Variants in DIAPH2 observed in about 807,000 individuals in gnomAD.
DIAPH2 encodes the protein protein diaphanous homolog 2.
DIAPH2 carries 35 observed loss-of-function variants against 92.7 expected under a neutral mutation model. That is an observed-to-expected ratio of 0.38 (90% CI 0.29 to 0.50). DIAPH2 has a LOEUF of 0.50. DIAPH2 is among the 20% of genes least tolerant of loss of function. DIAPH2 has a pLI of 0.94. For synonymous variants in DIAPH2, 301 were observed against 280.4 expected (o/e 1.07, Z -0.73); for missense variants, 701 against 819.5 (o/e 0.86, Z 1.77).
intron 26 of DIAPH2, among the ~76,000 whole-genome samples, chrX:97,520,341 CAAT>C (rs974418582): frequency 5.4e-5 from 6 of 111,613 alleles, no homozygotes; most frequent in Non-Finnish European, 1.1e-4. Flanking sequence ...TGTGTAGTCT[CAAT>C]GATGGCTGAA....
chrX:96,704,545 T>C (rs752499646), intron 1 of DIAPH2, among the ~76,000 whole-genome samples: 69 of 111,925 alleles, frequency 6.2e-4, no homozygotes, highest in Admixed American at 1.0e-3. Flanking sequence ...TTCTGAAGCA[T>C]CTCTCTTACT....
chrX:97,552,152 G>A (rs762705887), intron 26 of DIAPH2, among the ~76,000 whole-genome samples: 4 of 111,608 alleles, frequency 3.6e-5, no homozygotes, highest in Non-Finnish European at 5.6e-5. Flanking sequence ...TAAACTCAAT[G>A]ATTTTGAGTA....
Position 97,490,918 on chromosome X carries a change from C to T in DIAPH2, c.3241+61173C>T, listed in dbSNP as rs190838549. On this transcript the variant is annotated intron_variant, in intron 26 of 26. Transcript: ENST00000324765. Reference sequence around the variant, plus strand: ...ATGTCTTCTGTATGTCTTTTAGTTCCTCTTGCTCTTAGTGTTGTTCAAGTC... The same window carrying T: ...ATGTCTTCTGTATGTCTTTTAGTTCTTCTTGCTCTTAGTGTTGTTCAAGTC... 3.6e-5 allele frequency among the ~76,000 whole-genome samples: 4 copies of T among 110,477 alleles called. No homozygotes were observed. The East Asian group carries it at 1.1e-3, about 31-fold the overall frequency.
At chrX:97,005,029 T>C (rs2066170527) in intron 17 of DIAPH2, among the ~76,000 whole-genome samples, 1 of 112,000 alleles carries the variant, frequency 8.9e-6, no homozygotes, top group Non-Finnish European at 1.9e-5. Flanking sequence ...TTGAATTTTA[T>C]CAAATGCCTA....
chrX:96,749,145 A>AAAATATATATATATATAT (rs1252042191), intron 3 of DIAPH2, among the ~76,000 whole-genome samples: 1 of 79,825 alleles, frequency 1.3e-5, no homozygotes, highest in African/African-American at 5.1e-5. Flanking sequence ...AAAAAAAAAA[A>AAAATATATATATATATAT]ATATATATAT....
chrX:97,021,249 G>T (rs754727424), intron 17 of DIAPH2, among the ~76,000 whole-genome samples: 18 of 111,424 alleles, frequency 1.6e-4, no homozygotes, highest in Non-Finnish European at 3.0e-4. Context: ...CCAGGCTGGG[G>T]TGCAGTGGCA....
chrX:97,067,671 C>T (rs2066642862), intron 17 of DIAPH2, among the ~76,000 whole-genome samples: 1 of 111,348 alleles, frequency 9.0e-6, no homozygotes, highest in Non-Finnish European at 1.9e-5. Context: ...GATTAGTCTC[C>T]GTTTTATTTT....
intron 19 of DIAPH2, among the ~76,000 whole-genome samples, chrX:97,094,318 G>C (rs1251810856): frequency 8.9e-6 from 1 of 111,751 alleles, no homozygotes; most frequent in African/African-American, 3.3e-5. Context: ...TTAAATGTCA[G>C]AGTTTCAAAT....
chrX:96,797,699 T>C (rs746379273), intron 4 of DIAPH2, among the ~76,000 whole-genome samples: 21 of 111,641 alleles, frequency 1.9e-4, no homozygotes, highest in Non-Finnish European at 3.6e-4. Flanking sequence ...TTTTCTTCAA[T>C]TTTTAAGTTA....
At chrX:97,045,368 A>G (rs2066474302) in intron 17 of DIAPH2, among the ~76,000 whole-genome samples, 1 of 111,845 alleles carries the variant, frequency 8.9e-6, no homozygotes, top group Non-Finnish European at 1.9e-5. Context: ...GTAAGTAGTA[A>G]CTAGTTAGAG....
At chrX:96,819,083 G>A (rs1003470897) in intron 4 of DIAPH2, among the ~76,000 whole-genome samples, 2 of 112,152 alleles carry the variant, frequency 1.8e-5, no homozygotes, top group Admixed American at 1.9e-4. Flanking sequence ...TCATTGGCCC[G>A]CTGCTCACCT....
chrX:96,983,745 C>T (rs1377558001), intron 17 of DIAPH2, among the ~76,000 whole-genome samples: 1 of 111,372 alleles, frequency 9.0e-6, no homozygotes, highest in East Asian at 2.8e-4. Context: ...ATTATGGTGT[C>T]ATTTGCATTT....
At chrX:97,060,979 A>G (rs777407693) in intron 17 of DIAPH2, among the ~76,000 whole-genome samples, 1 of 93,453 alleles carries the variant, frequency 1.1e-5, no homozygotes, top group African/African-American at 4.1e-5. Context: ...ATGATACACA[A>G]ACGCACACGT....
chrX:97,294,591 T>C (rs1161260629), intron 23 of DIAPH2, among the ~76,000 whole-genome samples: 1 of 111,624 alleles, frequency 9.0e-6, no homozygotes, highest in Admixed American at 9.6e-5. Flanking sequence ...ATTATAGGAA[T>C]GTAGAGCATC....
rs770769465 is a variant in DIAPH2, at chrX:97,313,262, A to G, written c.2845-34854A>G. ...TGGTCACAAGTGAACACTGGATAAT[A>G]TGCACAATTCATTGTAGATCCATCC... On this transcript the variant is annotated intron_variant, in intron 23 of 26. Coordinates refer to ENST00000324765, the MANE Select transcript of DIAPH2 (RefSeq NM_006729.5). Among the ~76,000 whole-genome samples the G allele has an allele frequency of 3.6e-5, 4 of 112,010 alleles. No homozygotes were observed. In the South Asian group the frequency reaches 1.5e-3, roughly 42 times the overall value.
chrX:97,595,990 T>C (rs1040727231), intron 26 of DIAPH2, among the ~76,000 whole-genome samples: 1 of 111,980 alleles, frequency 8.9e-6, no homozygotes, highest in African/African-American at 3.2e-5. Context: ...TTTAACCAGG[T>C]CACTCTTCAT....
In DIAPH2 at chrX:96,832,728, G is replaced by A. The variant is rs185511448; in HGVS notation, c.448-48851G>A. Among the ~76,000 whole-genome samples, 15 of 111,817 alleles carry A rather than the reference G, an allele frequency of 1.3e-4. No individual in the cohort carries two copies. The East Asian group carries it at 1.9e-3, about 14-fold the overall frequency. ...TGAACTATTGCAGAAGACTGGGAAA[G>A]TTCCCTGAAAGTCTCCATTTTTCCA... is the stretch of plus-strand genomic sequence containing the variant. On this transcript the variant is annotated intron_variant, in intron 4 of 26. Coordinates refer to ENST00000324765, the MANE Select transcript of DIAPH2 (RefSeq NM_006729.5).
intron 23 of DIAPH2, among the ~76,000 whole-genome samples, chrX:97,261,944 A>G: frequency 9.0e-6 from 1 of 110,521 alleles, no homozygotes; most frequent in Non-Finnish European, 1.9e-5. Context: ...TCATCACACC[A>G]GTATTGATAT....
At chrX:97,235,081 T>C (rs1237017505) in intron 22 of DIAPH2, among the ~76,000 whole-genome samples, 3 of 112,466 alleles carry the variant, frequency 2.7e-5, no homozygotes, top group African/African-American at 9.7e-5. Flanking sequence ...TTGCCAAATA[T>C]TTTCCCACCT....
Sources: gnomAD v4.1 joint callset for allele counts (sites outside exome capture counted in the v4.1 genomes callset) on GRCh38, gnomAD v4.1.1 for gene constraint, MANE v1.5 for transcripts, NCBI Gene and HGNC (gene_info 2026-07-23, HGNC 2026-07-21) for gene names.